Variants in ZNF324B observed in about 807,000 individuals in gnomAD.
ZNF324B encodes the protein zinc finger protein 324B.
In ZNF324B, 7 loss-of-function variants were observed where a neutral mutation model predicts 10.6. That is an observed-to-expected ratio of 0.66 (90% CI 0.38 to 1.24). The LOEUF (loss-of-function observed/expected upper bound fraction) is 1.24, where lower values mean the gene tolerates loss of function less well. Among genes scored for constraint, ZNF324B ranks in the 50% most tolerant of loss-of-function variants. The pLI, the probability that ZNF324B is intolerant of heterozygous loss-of-function variation, is 0.02. For synonymous variants in ZNF324B, 316 were observed against 321.0 expected (o/e 0.98, Z 0.17); for missense variants, 640 against 764.7 (o/e 0.84, Z 1.92).
At chr19:58,434,521 T>C in the ZNF324B span, 1 of 1,614,082 alleles carries the variant, frequency 6.2e-7, no homozygotes, top group African/African-American at 1.3e-5. Flanking sequence ...TTTCTGGTGC[T>C]TCCTCAGCTT....
chr19:58,427,501 T>A, the ZNF324B span, among the ~76,000 whole-genome samples: 2 of 105,354 alleles, frequency 1.9e-5, no homozygotes, highest in Non-Finnish European at 3.6e-5. Flanking sequence ...TTCCTTTCTT[T>A]CTTTTTCTTT....
At chr19:58,440,198 C>T in the ZNF324B span, 3 of 299,622 alleles carry the variant, frequency 1.0e-5, no homozygotes, top group East Asian at 3.2e-4. Flanking sequence ...TCGGACTTGC[C>T]ACTGGTCCGA....
At chr19:58,444,488 C>T in the ZNF324B span, 3 of 152,168 alleles carry the variant, frequency 2.0e-5, no homozygotes, top group Admixed American at 6.6e-5. Flanking sequence ...TAAATAAATA[C>T]ATAGATACCT....
intron 2 of ZNF324B, 85 bp from the exon 3 acceptor site, chr19:58,454,143 T>A: frequency 1.1e-6 from 1 of 898,128 alleles, no homozygotes; most frequent in South Asian, 1.4e-5. Context: ...TACTGTCTAT[T>A]TCCATGAAGC....
At chr19:58,419,139 C>CT in the ZNF324B span, 112 of 152,184 alleles carry the variant, frequency 7.4e-4, no homozygotes, top group African/African-American at 2.5e-3. Flanking sequence ...GGATGTCAGG[C>CT]TTTTTTGTGG....
At chr19:58,423,452 G>A in the ZNF324B span, among the ~76,000 whole-genome samples, 17 of 152,312 alleles carry the variant, frequency 1.1e-4, no homozygotes, top group South Asian at 2.1e-4. Context: ...GAGCCACTGC[G>A]CCTGGCAGAA....
chr19:58,434,184 C>T, the ZNF324B span: 5 of 1,614,108 alleles, frequency 3.1e-6, no homozygotes, highest in East Asian at 4.5e-5. Flanking sequence ...CTCTCCAGTG[C>T]TGAATGAGAG....
Position 58,456,087 on chromosome 19 carries a change from C to T in ZNF324B, c.1143C>T (p.Asn381=), listed in dbSNP as rs1568605654. The T allele has an allele frequency of 1.2e-6, 2 of 1,612,564 alleles. No homozygotes were observed. The highest frequency in any genetic ancestry group is 1.1e-5 in the South Asian group (1 of 91,056). The change falls in exon 4 of 4, where the codon AAC becomes AAT. Residue 381 remains asparagine (N), a synonymous_variant. Transcript: ENST00000336614. The surrounding 1 kb of genome is among the most constrained non-coding windows in gnomAD (Gnocchi z 4.7). ...AGTGTGGCCGCCGCTTCTGCCGCAA[C>T]TCGCACCTGATCCAGCACGAGCGTA... The part of the protein sequence containing the change: ...CAQCGRRFCR[N]SHLIQHERTH...
chr19:58,439,628 G>A, the ZNF324B span: 1 of 961,604 alleles, frequency 1.0e-6, no homozygotes. Flanking sequence ...CCCAGGGCAG[G>A]GCCCAGGACC....
the ZNF324B span, chr19:58,441,118 C>T: frequency 6.6e-6 from 1 of 152,284 alleles, no homozygotes; most frequent in Non-Finnish European, 1.5e-5. Flanking sequence ...GGCAGGCTCT[C>T]ATGCCCCCTT....
chr19:58,443,809 G>T, the ZNF324B span: 2 of 152,262 alleles, frequency 1.3e-5, no homozygotes, highest in East Asian at 1.9e-4. Flanking sequence ...GTGAAGTTCA[G>T]TTCTTTCCAG....
At chr19:58,447,627 G>T (rs2052833683), upstream of ZNF324B, among the ~76,000 whole-genome samples, 1 of 152,188 alleles carries the variant, frequency 6.6e-6, no homozygotes, top group Non-Finnish European at 1.5e-5. Flanking sequence ...CTAGCAGTTT[G>T]GGAGGCTGAG....
At chr19:58,448,658 C>T (rs533764584), upstream of ZNF324B, among the ~76,000 whole-genome samples, 54 of 152,226 alleles carry the variant, frequency 3.5e-4, no homozygotes, top group Non-Finnish European at 4.6e-4. Context: ...ACCTAGGAGG[C>T]GGAGCTTGCA....
rs1238593455 is a variant in ZNF324B at position 58,456,145 on chromosome 19, C to G, written c.1201C>G (p.Leu401Val). 1 of 1,613,376 alleles carries G rather than the reference C, an allele frequency of 6.2e-7. No individual in the cohort carries two copies. Among genetic ancestry groups the G allele is most frequent in the Non-Finnish European group, 8.5e-7 (1 of 1,179,836 alleles). Residue 401 changes from leucine to valine, a missense_variant, in exon 4 of 4, where the codon CTC becomes GTC. Coordinates refer to ENST00000336614, the MANE Select transcript of ZNF324B (RefSeq NM_207395.3). This position sits in a 1 kb window ranked among gnomAD's most constrained non-coding sequence, Gnocchi z 4.7. ...AGGCGAGAAGCCCTTCGTATGCGCGCTCTGCGGTGCTGCCTTCAGCCAGGG... is the reference window on the plus strand; with the variant it reads ...AGGCGAGAAGCCCTTCGTATGCGCGGTCTGCGGTGCTGCCTTCAGCCAGGG... ...HTGEKPFVCA[L>V]CGAAFSQGSS... is the part of the protein sequence containing the mutation.
At chr19:58,454,175 G>T in intron 2 of ZNF324B, 53 bp from the exon 3 acceptor site, 1 of 1,162,936 alleles carries the variant, frequency 8.6e-7, no homozygotes, top group East Asian at 2.4e-5. Flanking sequence ...CTCTCTGTTG[G>T]GAGGTGGGTT....
Position 58,456,224 on chromosome 19 carries a change from G to A in ZNF324B, c.1280G>A (p.Cys427Tyr). The change falls in exon 4 of 4, where the codon TGC becomes TAC. Residue 427 changes from cysteine to tyrosine, a missense_variant. Coordinates refer to ENST00000336614, the MANE Select transcript of ZNF324B (RefSeq NM_207395.3). This position sits in a 1 kb window ranked among gnomAD's most constrained non-coding sequence, Gnocchi z 4.7. The part of the protein sequence containing the change: ...RVHTGEKPFA[C>Y]AQCGRSFSRS... ...CACACAGGCGAGAAGCCCTTCGCCT[G>A]CGCCCAGTGCGGCCGCTCCTTTAGC... The A allele has an allele frequency of 6.2e-7, 1 of 1,613,080 alleles. No individual in the cohort carries two copies. The highest frequency in any genetic ancestry group is 8.5e-7 in the Non-Finnish European group (1 of 1,179,840).
At chr19:58,451,081 G>A (rs563292909), upstream of ZNF324B, among the ~76,000 whole-genome samples, 20 of 152,320 alleles carry the variant, frequency 1.3e-4, no homozygotes, top group African/African-American at 4.8e-4. Context: ...TACAGGCTGA[G>A]AATTCTTGGT....
the ZNF324B span, among the ~76,000 whole-genome samples, chr19:58,446,350 A>G: frequency 2.0e-5 from 3 of 152,156 alleles, no homozygotes; most frequent in Non-Finnish European, 4.4e-5. Context: ...GGACCTTGGC[A>G]GAGCTATCAC....
the ZNF324B span, among the ~76,000 whole-genome samples, chr19:58,424,067 C>A: frequency 6.6e-6 from 1 of 151,604 alleles, no homozygotes; most frequent in South Asian, 2.1e-4. Context: ...TGGTGAAACC[C>A]CATCTCTACT....
Sources: allele counts gnomAD v4.1 joint callset (sites outside exome capture counted in the v4.1 genomes callset), GRCh38; gene constraint gnomAD v4.1.1; non-coding constraint Gnocchi (gnomAD v3.1); transcripts MANE v1.5; gene names NCBI Gene and HGNC (gene_info 2026-07-23, HGNC 2026-07-21).